Variants in SREBF2 observed in about 807,000 individuals in gnomAD.
SREBF2 encodes the protein sterol regulatory element binding transcription factor 2.
A neutral mutation model predicts 113.1 loss-of-function variants in SREBF2; 55 were observed. The observed-to-expected ratio is 0.49, with a 90% CI of 0.39 to 0.61. The LOEUF (loss-of-function observed/expected upper bound fraction) is 0.61, where lower values mean the gene tolerates loss of function less well. Ranked by LOEUF, SREBF2 falls within the 20% of genes least tolerant of loss-of-function variation. The probability of loss-of-function intolerance (pLI) is 0.00; values close to 1 mark genes in which losing one functional copy is unlikely to be tolerated. For missense variants in SREBF2, 1,349 were observed against 1,487.4 expected (o/e 0.91, Z 1.53); for synonymous variants, 593 against 605.7 (o/e 0.98, Z 0.31).
At chr22:41,842,794 C>A (rs2076841777) in intron 1 of SREBF2, among the ~76,000 whole-genome samples, 1 of 152,256 alleles carries the variant, frequency 6.6e-6, no homozygotes, top group African/African-American at 2.4e-5. Flanking sequence ...TCAAGACCAT[C>A]CTGGCTAACA....
chr22:41,865,481 C>T (rs1466541641), intron 1 of SREBF2, among the ~76,000 whole-genome samples: 2 of 152,066 alleles, frequency 1.3e-5, no homozygotes, highest in South Asian at 2.1e-4. Context: ...AGAAGGGAGT[C>T]GTGAGAGATG....
intron 4 of SREBF2, among the ~76,000 whole-genome samples, chr22:41,872,362 C>T (rs570088910): frequency 6.6e-6 from 1 of 151,462 alleles, no homozygotes; most frequent in South Asian, 2.1e-4. Flanking sequence ...GAATTCAGAG[C>T]GGTGGTGACA....
intron 11 of SREBF2, among the ~76,000 whole-genome samples, chr22:41,887,029 A>G (rs952971719): frequency 3.3e-5 from 5 of 151,890 alleles, no homozygotes; most frequent in Admixed American, 6.6e-5. Flanking sequence ...GCAAGACTCC[A>G]TCTCAAAATA....
intron 11 of SREBF2, among the ~76,000 whole-genome samples, chr22:41,887,963 A>T (rs1024059916): frequency 6.6e-6 from 1 of 152,178 alleles, no homozygotes; most frequent in Non-Finnish European, 1.5e-5. Context: ...GTTACATTCA[A>T]TTCAAGTCTT....
intron 16 of SREBF2, chr22:41,900,964 A>G: frequency 1.9e-6 from 1 of 533,952 alleles, no homozygotes; most frequent in Non-Finnish European, 3.8e-6. Context: ...TTGTAGTTGC[A>G]TTGCATGTTC....
intron 12 of SREBF2, 120 bp downstream of exon 12, chr22:41,893,405 T>C (rs1005916289): frequency 8.1e-6 from 7 of 859,070 alleles, no homozygotes; most frequent in Non-Finnish European, 1.3e-5. Context: ...TGAGTCCGTT[T>C]GTTTGTTTGT....
chr22:41,849,639 TAAAAAG>T (rs941831953), intron 1 of SREBF2, among the ~76,000 whole-genome samples: 1 of 152,202 alleles, frequency 6.6e-6, no homozygotes, highest in African/African-American at 2.4e-5. Context: ...AATGTATACT[TAAAAAG>T]AGAGAGATTG....
chr22:41,842,112 C>A (rs561983309), intron 1 of SREBF2, among the ~76,000 whole-genome samples: 1 of 152,194 alleles, frequency 6.6e-6, no homozygotes, highest in African/African-American at 2.4e-5. Context: ...TTGGGAATTA[C>A]AACTTGGAAA....
intron 1 of SREBF2, among the ~76,000 whole-genome samples, chr22:41,843,492 A>G (rs1399923694): frequency 2.6e-5 from 4 of 152,212 alleles, no homozygotes; most frequent in African/African-American, 9.7e-5. Context: ...CTTTTCTTCA[A>G]TTCTGTGGTA....
At position 41,877,957 on chromosome 22, in the gene SREBF2, T is replaced by A; in HGVS notation, c.1595T>A (p.Phe532Tyr). 6.2e-7 allele frequency: 1 copy of A among 1,614,194 alleles called. No homozygotes were observed. Among genetic ancestry groups the A allele is most frequent in the Non-Finnish European group, 8.5e-7 (1 of 1,180,032 alleles). Residue 532 changes from phenylalanine to tyrosine, a missense_variant, in exon 9 of 19, where the codon TTT (phenylalanine) becomes TAT (tyrosine). Around this residue, in one of 2 missense-constraint regions of SREBF2, gnomAD observed 699 missense variants for 843.3 expected, o/e 0.83. Transcript: ENST00000361204. ...TCCTTCTTAGGTTCTGGGGGCTGGT[T>A]TGACTGGATGATGCCTACTCTTCTC... ...LSFESGSGGW[F>Y]DWMMPTLLLW...
In SREBF2 at chr22:41,903,131, C is replaced by T. The variant is rs1315431544; in HGVS notation, c.3069C>T (p.His1023=). 30 of 1,556,302 alleles carry T rather than the reference C, an allele frequency of 1.9e-5. No homozygotes were observed. Among genetic ancestry groups the T allele is most frequent in the Non-Finnish European group, 2.5e-5 (29 of 1,150,232 alleles). ...RDLGSLRRLA[H]SFRPAYRKVF... is the part of the protein sequence containing the mutation. ...TGGGCAGCCTGCGCAGGCTGGCACA[C>T]AGCTTCCGCCCAGCATACCGCAAGG... The change falls in exon 17 of 19, where the codon CAC becomes CAT. Residue 1023 remains histidine, a synonymous_variant. Coordinates refer to ENST00000361204, the MANE Select transcript of SREBF2 (RefSeq NM_004599.4).
intron 11 of SREBF2, among the ~76,000 whole-genome samples, chr22:41,885,323 C>CAA (rs1232857641): frequency 1.3e-5 from 2 of 152,198 alleles, no homozygotes. Flanking sequence ...GGTTAATATG[C>CAA]AACTTTTCTG....
intron 15 of SREBF2, chr22:41,899,965 G>A (rs111872321): frequency 9.2e-6 from 11 of 1,191,306 alleles, no homozygotes; most frequent in African/African-American, 1.6e-5. Flanking sequence ...CCACATCTCT[G>A]GGGGGGTGGT....
intron 14 of SREBF2, among the ~76,000 whole-genome samples, chr22:41,897,431 G>T (rs545456706): frequency 6.6e-6 from 1 of 152,292 alleles, no homozygotes; most frequent in African/African-American, 2.4e-5. Flanking sequence ...CCTTCTTAAT[G>T]CCCAGAAGAA....
Position 41,903,144 on chromosome 22 carries a change from G to A in SREBF2, c.3082G>A (p.Ala1028Thr), listed in dbSNP as rs1458599155. The part of the protein sequence containing the change: ...LRRLAHSFRP[A>T]YRKVFLHEAT... ...CAGGCTGGCACACAGCTTCCGCCCA[G>A]CATACCGCAAGGTGAGGCCCAGCTG... is the stretch of plus-strand genomic sequence containing the variant. The change falls in exon 17 of 19, where the codon GCA becomes ACA. Residue 1028 changes from alanine to threonine, a missense_variant. Physicochemically the swap from Ala to Thr is moderately conservative, Grantham distance 58. Transcript: ENST00000361204. The A allele has an allele frequency of 6.4e-7, 1 of 1,552,884 alleles. No homozygotes were observed. The highest frequency in any genetic ancestry group is 1.2e-5 in the South Asian group (1 of 84,514).
At chr22:41,849,267 C>T (rs1275077228) in intron 1 of SREBF2, among the ~76,000 whole-genome samples, 5 of 152,104 alleles carry the variant, frequency 3.3e-5, no homozygotes, top group Admixed American at 1.3e-4. Context: ...ATCTCAGCTA[C>T]TGCAAACTCT....
At chr22:41,834,378 C>G (rs2076749041) in intron 1 of SREBF2, 2 of 152,642 alleles carry the variant, frequency 1.3e-5, no homozygotes, top group South Asian at 2.1e-4. Context: ...CTTATTACCT[C>G]TATTTTAATA....
At chr22:41,903,476 G>A (rs2077481626) in intron 17 of SREBF2, among the ~76,000 whole-genome samples, 1 of 152,224 alleles carries the variant, frequency 6.6e-6, no homozygotes, top group Non-Finnish European at 1.5e-5. Flanking sequence ...GGCTCTGAGG[G>A]CAATGGTGGC....
chr22:41,838,996 G>C (rs1274292514), intron 1 of SREBF2, among the ~76,000 whole-genome samples: 2 of 152,192 alleles, frequency 1.3e-5, no homozygotes, highest in African/African-American at 4.8e-5. Context: ...AGGTGTGTCT[G>C]ATGAGGAAAG....
Sources: allele counts gnomAD v4.1 joint callset (sites outside exome capture counted in the v4.1 genomes callset), GRCh38; gene constraint gnomAD v4.1.1; regional missense constraint gnomAD v4.1.1; transcripts MANE v1.5; gene names NCBI Gene and HGNC (gene_info 2026-07-23, HGNC 2026-07-21).